The following PRDM16 variants were observed in gnomAD, a reference collection of about 807,000 sequenced individuals.
The protein encoded by PRDM16 is histone-lysine N-methyltransferase PRDM16.
PRDM16 carries 23 observed loss-of-function variants against 110.6 expected under a neutral mutation model. That is an observed-to-expected ratio of 0.21 (90% CI 0.15 to 0.29). The LOEUF is 0.29. Among genes scored for constraint, PRDM16 ranks in the 10% least tolerant of loss-of-function variants. PRDM16 has a pLI of 1.00. For synonymous variants in PRDM16, 799 were observed against 781.8 expected, an observed-to-expected ratio of 1.02 and a Z score of -0.37; for missense variants, 1,615 against 1,794.3, an observed-to-expected ratio of 0.90 and a Z score of 1.81.
In PRDM16 at chr1:3,360,500, C is replaced by T. The variant is rs77805238; in HGVS notation, c.439-24652C>T. The stretch of plus-strand genomic sequence containing the variant: ...CTGCCAGTGAGCCCCCAGCAGAGCC[C>T]GGTCCAAGTGCGGGATGGACTGTGG... On this transcript the variant is annotated intron_variant, in intron 3 of 16. Coordinates refer to ENST00000270722, the MANE Select transcript of PRDM16 (RefSeq NM_022114.4). Among the ~76,000 whole-genome samples, 625 of 152,214 alleles carry T rather than the reference C, an allele frequency of 4.1e-3. 3 individuals are homozygous for T. Among genetic ancestry groups the T allele is most frequent in the African/African-American group, 0.014 (588 of 41,550 alleles).
intron 3 of PRDM16, among the ~76,000 whole-genome samples, chr1:3,366,258 G>T (rs970254300): frequency 6.6e-6 from 1 of 152,228 alleles, no homozygotes; most frequent in Non-Finnish European, 1.5e-5. Flanking sequence ...GCGGCCGCTC[G>T]CAGACTAGAC....
chr1:3,260,414 A>C (rs948663544), intron 3 of PRDM16, among the ~76,000 whole-genome samples: 2 of 152,212 alleles, frequency 1.3e-5, no homozygotes, highest in Admixed American at 1.3e-4. Flanking sequence ...CTCTGTAAGA[A>C]AACTCCTTTA....
At chr1:3,249,227 G>A (rs1639868314) in intron 3 of PRDM16, among the ~76,000 whole-genome samples, 1 of 151,910 alleles carries the variant, frequency 6.6e-6, no homozygotes, top group Non-Finnish European at 1.5e-5. Flanking sequence ...GGGAGTAGGG[G>A]GCAGGGGTAG....
intron 3 of PRDM16, among the ~76,000 whole-genome samples, chr1:3,332,283 A>G (rs1642056818): frequency 6.6e-6 from 1 of 152,260 alleles, no homozygotes; most frequent in South Asian, 2.1e-4. Flanking sequence ...AATTGATTCC[A>G]ATTACTCTTA....
rs189983807 is a variant in PRDM16 at position 3,378,178 on chromosome 1, C to A, written c.439-6974C>A. ...CACATGGCTGCGACCTTGGACACCA[C>A]CTCCCTGAGTGTTCCTGTTGCCAGT... On this transcript the variant is annotated intron_variant, in intron 3 of 16. Transcript: ENST00000270722. Among the ~76,000 whole-genome samples the A allele has an allele frequency of 3.9e-5, 6 of 152,336 alleles. No homozygotes were observed. The East Asian group carries it at 1.2e-3, about 29-fold the overall frequency.
chr1:3,372,719 T>G (rs1274615229), intron 3 of PRDM16, among the ~76,000 whole-genome samples: 1 of 152,192 alleles, frequency 6.6e-6, no homozygotes, highest in Non-Finnish European at 1.5e-5. Flanking sequence ...TAAATCAAAT[T>G]CAGGTTTGAA....
At position 3,104,342 on chromosome 1, in the gene PRDM16, G is replaced by A. The variant is rs1323002823; in HGVS notation, c.37+35046G>A. 2.6e-5 allele frequency among the ~76,000 whole-genome samples: 4 copies of A among 152,308 alleles called. No individual in the cohort carries two copies. In the East Asian group the frequency reaches 5.8e-4, roughly 22 times the overall value. On this transcript the variant is annotated intron_variant, in intron 1 of 16. Coordinates refer to ENST00000270722, the MANE Select transcript of PRDM16 (RefSeq NM_022114.4). Reference sequence around the variant, plus strand: ...GAAGGAGCTGGGAGGGGTGGGGTTGGAAGGTGCTGGTGGGAGCTGGGAGGG... The same window carrying A: ...GAAGGAGCTGGGAGGGGTGGGGTTGAAAGGTGCTGGTGGGAGCTGGGAGGG...
intron 1 of PRDM16, among the ~76,000 whole-genome samples, chr1:3,137,172 G>A (rs1279949005): frequency 1.3e-5 from 2 of 152,214 alleles, no homozygotes; most frequent in African/African-American, 4.8e-5. Context: ...GCTGCCTCCG[G>A]CATCCCCTCC....
At chr1:3,282,948 C>T (rs1640742520) in intron 3 of PRDM16, among the ~76,000 whole-genome samples, 1 of 152,252 alleles carries the variant, frequency 6.6e-6, no homozygotes, top group Non-Finnish European at 1.5e-5. Context: ...GGAGGGGCGT[C>T]TCCCTTCCCT....
intron 1 of PRDM16, among the ~76,000 whole-genome samples, chr1:3,166,106 G>A (rs72630971): frequency 0.015 from 2,273 of 152,348 alleles, 18 homozygotes; most frequent in African/African-American, 0.018. Flanking sequence ...TCTGAGTGGC[G>A]CATGGGAACC....
chr1:3,361,205 G>A (rs1317273902), intron 3 of PRDM16, among the ~76,000 whole-genome samples: 1 of 152,198 alleles, frequency 6.6e-6, no homozygotes, highest in Non-Finnish European at 1.5e-5. Context: ...AAACCAAGCA[G>A]CTGCTTTCAC....
chr1:3,336,827 C>T (rs1642166671), intron 3 of PRDM16, among the ~76,000 whole-genome samples: 1 of 143,832 alleles, frequency 7.0e-6, no homozygotes, highest in Non-Finnish European at 1.5e-5. Context: ...TCTGTGTGTG[C>T]ATGAACATTC....
chr1:3,201,993 C>T lies in PRDM16; in HGVS notation c.387+15519C>T, dbSNP rs563618021. On this transcript the variant is annotated intron_variant, in intron 2 of 16. Transcript: ENST00000270722. This position sits in a 1 kb window ranked among gnomAD's most constrained non-coding sequence, Gnocchi z 4.1. ...GTACATAATAGTGGGTCCCACACGT[C>T]CATGAGGCAGGGGACGCCCTCACAG... is the stretch of plus-strand genomic sequence containing the variant. Among the ~76,000 whole-genome samples, 46 of 152,320 alleles carry T rather than the reference C, an allele frequency of 3.0e-4. No homozygotes were observed. Among genetic ancestry groups the T allele is most frequent in the Non-Finnish European group, 4.0e-4 (27 of 68,032 alleles).
intron 1 of PRDM16, among the ~76,000 whole-genome samples, chr1:3,160,189 C>T (rs1189906314): frequency 2.0e-5 from 3 of 152,212 alleles, no homozygotes; most frequent in African/African-American, 4.8e-5. Flanking sequence ...GGACCAGCCC[C>T]TGGGGATCCC....
Position 3,426,134 on chromosome 1 carries a change from T to C in PRDM16, c.3193T>C (p.Leu1065=), listed in dbSNP as rs1638598287. The change falls in exon 14 of 17, where the codon TTA becomes CTA. Residue 1065 remains leucine, a synonymous_variant. Coordinates refer to ENST00000270722, the MANE Select transcript of PRDM16 (RefSeq NM_022114.4). ...PTSESDNHAL[L]DEKEDSYFSE... ...CTCAGAGTCGGACAACCACGCACTT[T>C]TAGACGAGAAAGAAGACTCTTATTT... 6.2e-7 allele frequency: 1 copy of C among 1,613,748 alleles called. No homozygotes were observed. The highest frequency in any genetic ancestry group is 1.3e-5 in the African/African-American group (1 of 74,862).
At chr1:3,318,106 G>C (rs1350986380) in intron 3 of PRDM16, among the ~76,000 whole-genome samples, 1 of 152,178 alleles carries the variant, frequency 6.6e-6, no homozygotes, top group East Asian at 1.9e-4. Flanking sequence ...ATGAGCCGGA[G>C]TTGATTGAAG....
At chr1:3,283,567 G>C (rs962223422) in intron 3 of PRDM16, among the ~76,000 whole-genome samples, 8 of 152,168 alleles carry the variant, frequency 5.3e-5, no homozygotes, top group Admixed American at 2.0e-4. Flanking sequence ...GACAGCGAAG[G>C]GTTACGGGGA....
intron 2 of PRDM16, among the ~76,000 whole-genome samples, chr1:3,214,049 C>T (rs1421030108): frequency 6.6e-6 from 1 of 152,180 alleles, no homozygotes; most frequent in African/African-American, 2.4e-5. Context: ...CCCACCACAG[C>T]CCCGCCCCTT....
At chr1:3,422,208 GGACA>G (rs1229721037) in intron 12 of PRDM16, among the ~76,000 whole-genome samples, 4 of 141,288 alleles carry the variant, frequency 2.8e-5, no homozygotes. Flanking sequence ...ACAGACAGAT[GGACA>G]GACAGGCAGA....
Sources: gnomAD v4.1 joint callset for allele counts (sites outside exome capture counted in the v4.1 genomes callset) on GRCh38, gnomAD v4.1.1 for gene constraint, Gnocchi (gnomAD v3.1) non-coding constraint, MANE v1.5 for transcripts, NCBI Gene and HGNC (gene_info 2026-07-23, HGNC 2026-07-21) for gene names.